Variants in LPIN2 observed in about 807,000 individuals in gnomAD.
The protein encoded by LPIN2 is lipin 2, also known as phosphatidate phosphatase LPIN2.
LPIN2 carries 55 observed loss-of-function variants against 111.4 expected under a neutral mutation model. The ratio of observed to expected loss-of-function variants is 0.49; its 90% confidence interval spans 0.40 to 0.62. LPIN2 has a LOEUF of 0.62. Ranked by LOEUF, LPIN2 falls within the 20% of genes least tolerant of loss-of-function variation. LPIN2 has a pLI of 0.00. For missense variants in LPIN2, 992 were observed against 1,112.1 expected (o/e 0.89, Z 1.54); for synonymous variants, 425 against 414.0 (o/e 1.03, Z -0.32).
chr18:2,927,815 A>C lies in LPIN2; in HGVS notation c.1621-4T>G. 3 of 1,614,028 alleles carry C rather than the reference A, an allele frequency of 1.9e-6. No individual in the cohort carries two copies. Among genetic ancestry groups the C allele is most frequent in the Middle Eastern group, 3.3e-4 (2 of 6,062 alleles). On this transcript the variant is annotated splice_polypyrimidine_tract_variant and splice_region_variant and intron_variant, in intron 11 of 19. Coordinates refer to ENST00000677752, the MANE Select transcript of LPIN2 (RefSeq NM_001375808.2). ...TCACCCAGGACTCAACTGTGGCCTGAAAACAACCAACCTGGGTTAGTCTGG... is the reference window on the plus strand; with the variant it reads ...TCACCCAGGACTCAACTGTGGCCTGCAAACAACCAACCTGGGTTAGTCTGG...
At chr18:2,975,006 C>G (rs2017232654) in intron 1 of LPIN2, among the ~76,000 whole-genome samples, 1 of 152,188 alleles carries the variant, frequency 6.6e-6, no homozygotes, top group African/African-American at 2.4e-5. Flanking sequence ...CTCAAACAAA[C>G]AAACAAAAAT....
intron 1 of LPIN2, among the ~76,000 whole-genome samples, chr18:2,962,295 C>T (rs757729401): frequency 1.3e-5 from 2 of 152,156 alleles, no homozygotes; most frequent in East Asian, 1.9e-4. Context: ...CCCTTAAATG[C>T]ACCCATAGAA....
chr18:2,987,475 T>C (rs866114579), intron 1 of LPIN2, among the ~76,000 whole-genome samples: 10 of 152,346 alleles, frequency 6.6e-5, no homozygotes, highest in South Asian at 2.1e-4. Flanking sequence ...ATCGGCATCA[T>C]GTAGGAACCC....
intron 1 of LPIN2, among the ~76,000 whole-genome samples, chr18:2,979,426 C>A (rs113898528): frequency 0.01 from 1,556 of 152,190 alleles, 26 homozygotes; most frequent in African/African-American, 0.035. Flanking sequence ...TATTCATAAA[C>A]CCAGAGCAGC....
intron 4 of LPIN2, chr18:2,945,745 G>T: frequency 1.7e-6 from 2 of 1,192,502 alleles, no homozygotes; most frequent in Non-Finnish European, 2.5e-6. Context: ...AATACAATAT[G>T]CGCATCTAAC....
intron 19 of LPIN2, 135 bp downstream of exon 19, chr18:2,920,643 C>T: frequency 5.0e-6 from 4 of 800,184 alleles, no homozygotes; most frequent in South Asian, 2.9e-5. Flanking sequence ...AAGAGAGATA[C>T]CCACAGAGGA....
At chr18:2,983,758 C>A (rs553279793) in intron 1 of LPIN2, among the ~76,000 whole-genome samples, 149 of 151,988 alleles carry the variant, frequency 9.8e-4, no homozygotes, top group Non-Finnish European at 1.5e-3. Context: ...TTTGGATATA[C>A]TGAGTTAAAT....
At chr18:2,950,575 T>C (rs141895537) in intron 4 of LPIN2, 199 of 171,456 alleles carry the variant, frequency 1.2e-3, no homozygotes, top group Middle Eastern at 5.8e-3. Context: ...AAATGGCATA[T>C]AATGAGCTCT....
intron 1 of LPIN2, chr18:2,967,474 C>T (rs1317065440): frequency 6.6e-6 from 1 of 152,290 alleles, no homozygotes; most frequent in East Asian, 1.9e-4. Flanking sequence ...CCGCAAGCTT[C>T]TCCCCGGTCA....
At chr18:2,948,299 G>GTT (rs2077485257) in intron 4 of LPIN2, 1 of 152,210 alleles carries the variant, frequency 6.6e-6, no homozygotes, top group East Asian at 1.9e-4. Context: ...AAGCCAGCAA[G>GTT]CTGCTGGCTT....
rs1362111130 is a variant in LPIN2 at position 2,920,777 on chromosome 18, C to T, written c.2546+1G>A. 3.7e-6 allele frequency: 6 copies of T among 1,612,192 alleles called. No homozygotes were observed. The highest frequency in any genetic ancestry group is 5.1e-6 in the Non-Finnish European group (6 of 1,178,352). The stretch of plus-strand genomic sequence containing the variant: ...GGGCTGAGAGCTGAGAATGTACTTA[C>T]GATGACTTGTTTCCTTTGGTTCTTT... On this transcript the variant is annotated splice_donor_variant, in intron 19 of 19. Transcript: ENST00000677752. LOFTEE classifies it high-confidence loss of function.
chr18:2,939,448 C>G, intron 6 of LPIN2, 32 bp downstream of exon 6: 1 of 1,612,096 alleles, frequency 6.2e-7, no homozygotes, highest in Non-Finnish European at 8.5e-7. Context: ...TAATCATTAA[C>G]ACACTTTCCA....
intron 1 of LPIN2, among the ~76,000 whole-genome samples, chr18:3,003,876 G>C (rs2078470617): frequency 6.6e-6 from 1 of 152,172 alleles, no homozygotes; most frequent in South Asian, 2.1e-4. Context: ...TTCTTGCAGA[G>C]AGCCTATAAA....
At chr18:2,995,991 G>A (rs1189102802) in intron 1 of LPIN2, among the ~76,000 whole-genome samples, 1 of 152,150 alleles carries the variant, frequency 6.6e-6, no homozygotes, top group Non-Finnish European at 1.5e-5. Context: ...TATAACGGAG[G>A]ACAAAACTGA....
chr18:3,001,606 G>T (rs1484042969), intron 1 of LPIN2, among the ~76,000 whole-genome samples: 1 of 149,100 alleles, frequency 6.7e-6, no homozygotes, highest in East Asian at 1.9e-4. Context: ...CAATAGAGAA[G>T]GTCTAAAATG....
intron 18 of LPIN2, 46 bp from the exon 19 acceptor site, chr18:2,920,927 A>G (rs566010826): frequency 7.8e-6 from 10 of 1,274,616 alleles, no homozygotes; most frequent in Admixed American, 6.7e-5. Flanking sequence ...AGGAGAATTC[A>G]GGAGATACTT....
At chr18:2,944,462 C>T (rs2077417801) in intron 4 of LPIN2, among the ~76,000 whole-genome samples, 1 of 149,502 alleles carries the variant, frequency 6.7e-6, no homozygotes, top group Non-Finnish European at 1.5e-5. Flanking sequence ...CGCCATTCTC[C>T]TGCCTCAGCC....
At chr18:2,952,398 T>C (rs1403621055) in intron 3 of LPIN2, among the ~76,000 whole-genome samples, 2 of 152,188 alleles carry the variant, frequency 1.3e-5, no homozygotes, top group Non-Finnish European at 2.9e-5. Flanking sequence ...CACTCCAGCC[T>C]GGGCAACAGA....
At chr18:2,936,818 G>T (rs1430220209) in intron 7 of LPIN2, among the ~76,000 whole-genome samples, 3 of 152,140 alleles carry the variant, frequency 2.0e-5, no homozygotes, top group African/African-American at 7.2e-5. Context: ...GAGCTCAAGT[G>T]ATCTGTCCAC....
Sources: allele counts gnomAD v4.1 joint callset (sites outside exome capture counted in the v4.1 genomes callset), GRCh38; gene constraint gnomAD v4.1.1; transcripts MANE v1.5; gene names NCBI Gene and HGNC (gene_info 2026-07-23, HGNC 2026-07-21).